The following CYLC2 variants were observed in gnomAD, a reference collection of about 807,000 sequenced individuals.
The protein encoded by CYLC2 is cylicin-2.
In CYLC2, 30 loss-of-function variants were observed where a neutral mutation model predicts 26.1. The observed-to-expected ratio is 1.15, with a 90% confidence interval of 0.86 to 1.56. CYLC2 has a LOEUF of 1.56. Among genes scored for constraint, CYLC2 ranks in the 40% most tolerant of loss-of-function variants. CYLC2 has a pLI of 0.00. For missense variants in CYLC2, 498 were observed against 394.4 expected (o/e 1.26, Z -2.23); for synonymous variants, 158 against 132.8 (o/e 1.19, Z -1.31).
At chr9:102,996,962 C>G (rs1478400412) in intron 1 of CYLC2, among the ~76,000 whole-genome samples, 2 of 151,738 alleles carry the variant, frequency 1.3e-5, no homozygotes, top group Non-Finnish European at 2.9e-5. Flanking sequence ...GAGGTTATCA[C>G]AAAAATTTGG....
chr9:103,015,004 A>T (rs1193046208), intron 6 of CYLC2, among the ~76,000 whole-genome samples: 2 of 116,986 alleles, frequency 1.7e-5, no homozygotes, highest in African/African-American at 3.1e-5. Flanking sequence ...TATACATATT[A>T]TGTATATTAT....
intron 3 of CYLC2, among the ~76,000 whole-genome samples, chr9:103,004,156 T>C (rs899119214): frequency 6.6e-6 from 1 of 152,090 alleles, no homozygotes; most frequent in African/African-American, 2.4e-5. Context: ...CTGTTGTAGA[T>C]TTCATTATTT....
chr9:103,000,413 G>A (rs1829277125), intron 1 of CYLC2, among the ~76,000 whole-genome samples: 1 of 151,944 alleles, frequency 6.6e-6, no homozygotes, highest in Admixed American at 6.6e-5. Flanking sequence ...CTCTTCGAGA[G>A]CATTTGGAAT....
chr9:102,997,420 G>T (rs1829249126), intron 1 of CYLC2, among the ~76,000 whole-genome samples: 1 of 151,938 alleles, frequency 6.6e-6, no homozygotes, highest in Non-Finnish European at 1.5e-5. Flanking sequence ...TTCAGAAAAT[G>T]CTAGAGAAAG....
At chr9:103,000,642 C>A (rs141591855) in intron 1 of CYLC2, among the ~76,000 whole-genome samples, 1 of 151,962 alleles carries the variant, frequency 6.6e-6, no homozygotes, top group Non-Finnish European at 1.5e-5. Flanking sequence ...AAATGTGCCA[C>A]GTTTTATGCT....
At chr9:103,014,299 CAT>C (rs972439263) in intron 6 of CYLC2, among the ~76,000 whole-genome samples, 8 of 129,616 alleles carry the variant, frequency 6.2e-5, no homozygotes, top group South Asian at 2.4e-4. Flanking sequence ...CATAATATTA[CAT>C]ATATATTACA....
chr9:103,017,091 G>A (rs371258379), intron 7 of CYLC2, 130 bp downstream of exon 7: 4 of 151,256 alleles, frequency 2.6e-5, no homozygotes, highest in South Asian at 4.2e-4. Flanking sequence ...TGCAATAAAA[G>A]TCATTTGAGT....
intron 6 of CYLC2, among the ~76,000 whole-genome samples, chr9:103,015,411 T>G (rs1235643247): frequency 2.2e-5 from 3 of 135,112 alleles, no homozygotes; most frequent in Non-Finnish European, 4.7e-5. Context: ...TTATTATATA[T>G]TATATATTAT....
intron 1 of CYLC2, among the ~76,000 whole-genome samples, chr9:102,999,822 C>A (rs1829270759): frequency 6.6e-6 from 1 of 151,824 alleles, no homozygotes; most frequent in Non-Finnish European, 1.5e-5. Flanking sequence ...ACCAGATGAT[C>A]ATGATGTATT....
At chr9:102,996,027 A>G (rs1395217903) in intron 1 of CYLC2, among the ~76,000 whole-genome samples, 4 of 151,902 alleles carry the variant, frequency 2.6e-5, no homozygotes, top group African/African-American at 9.7e-5. Context: ...CAATTCTGTA[A>G]ACCCTTTTAC....
intron 5 of CYLC2, among the ~76,000 whole-genome samples, chr9:103,008,972 T>C (rs994933720): frequency 5.9e-5 from 9 of 152,168 alleles, no homozygotes; most frequent in Non-Finnish European, 1.3e-4. Flanking sequence ...AATGCATTAA[T>C]GATCTGTGTG....
At chr9:102,999,193 T>A (rs1307387550) in intron 1 of CYLC2, among the ~76,000 whole-genome samples, 1 of 151,852 alleles carries the variant, frequency 6.6e-6, no homozygotes, top group Non-Finnish European at 1.5e-5. Flanking sequence ...TGTTTCTGTA[T>A]AATTTGCTTT....
At chr9:103,013,875 A>G (rs1829451604) in intron 6 of CYLC2, among the ~76,000 whole-genome samples, 1 of 113,140 alleles carries the variant, frequency 8.8e-6, no homozygotes, top group Non-Finnish European at 1.6e-5. Context: ...TATATATTAT[A>G]CATATAATAA....
chr9:103,011,179 GC>G (rs1234171760), intron 5 of CYLC2, among the ~76,000 whole-genome samples: 1 of 151,878 alleles, frequency 6.6e-6, no homozygotes, highest in African/African-American at 2.4e-5. Flanking sequence ...CAAATAAAAG[GC>G]TTTGTTTTTA....
chr9:103,004,899 A>C, intron 4 of CYLC2, 48 bp downstream of exon 4: 1 of 1,575,756 alleles, frequency 6.3e-7, no homozygotes, highest in Non-Finnish European at 8.6e-7. Context: ...TTTTCTGATT[A>C]GATTTCTATT....
chr9:103,013,921 T>TATTATATATAATATTATATTATACATTAA, intron 6 of CYLC2, among the ~76,000 whole-genome samples: 1 of 93,158 alleles, frequency 1.1e-5, no homozygotes. Flanking sequence ...TTATACATTA[T>TATTATATATAATATTATATTATACATTAA]ATATCATATC....
At chr9:103,007,778 G>A (rs1010783055) in intron 5 of CYLC2, among the ~76,000 whole-genome samples, 5 of 152,072 alleles carry the variant, frequency 3.3e-5, no homozygotes, top group African/African-American at 1.2e-4. Flanking sequence ...GCAACATAAA[G>A]CTTCTCTTGG....
In CYLC2 at chr9:103,013,464, A is replaced by C. The variant is rs531011844; in HGVS notation, c.*816+1367A>C. On this transcript the variant is annotated intron_variant, in intron 6 of 7. Transcript: ENST00000374798. ...ACAGAAATATATATTTATCTATTAT[A>C]TATTATATAAATATATATTTAACAT... Among the ~76,000 whole-genome samples, 384 of 108,954 alleles carry C rather than the reference A, an allele frequency of 3.5e-3. 6 individuals carry two copies. The highest frequency in any genetic ancestry group is 0.014 in the African/African-American group (356 of 26,264). 71.5% of individuals were successfully genotyped at this position (108,954 alleles called of 152,430 possible).
intron 3 of CYLC2, 77 bp downstream of exon 3, chr9:103,003,340 ATAAT>A: frequency 7.8e-7 from 1 of 1,276,778 alleles, no homozygotes; most frequent in South Asian, 1.4e-5. Context: ...ATAAGTAATT[ATAAT>A]TAGTCTTAAG....
Sources: gnomAD v4.1 joint callset for allele counts (sites outside exome capture counted in the v4.1 genomes callset) on GRCh38, gnomAD v4.1.1 for gene constraint, MANE v1.5 for transcripts, NCBI Gene and HGNC (gene_info 2026-07-23, HGNC 2026-07-21) for gene names.